The following RIMS1 variants were observed in gnomAD, a reference collection of about 807,000 sequenced individuals.
The protein encoded by RIMS1 is regulating synaptic membrane exocytosis protein 1.
RIMS1 carries 83 observed loss-of-function variants against 214.1 expected under a neutral mutation model. The observed-to-expected ratio is 0.39, with a 90% CI of 0.32 to 0.47. The LOEUF (loss-of-function observed/expected upper bound fraction) is 0.47, where lower values mean the gene tolerates loss of function less well. Among genes scored for constraint, RIMS1 ranks in the 20% least tolerant of loss-of-function variants. RIMS1 has a pLI of 0.99. For missense variants in RIMS1, 2,050 were observed against 2,161.8 expected (o/e 0.95, Z 1.03); for synonymous variants, 793 against 786.8 (o/e 1.01, Z -0.13).
intron 2 of RIMS1, among the ~76,000 whole-genome samples, chr6:72,039,758 T>C (rs185396085): frequency 6.6e-6 from 1 of 152,200 alleles, no homozygotes; most frequent in Non-Finnish European, 1.5e-5. Flanking sequence ...GGGTTACTAT[T>C]ATTTTTAATA....
chr6:72,326,000 G>T (rs2096445510), intron 28 of RIMS1, among the ~76,000 whole-genome samples: 2 of 151,788 alleles, frequency 1.3e-5, no homozygotes, highest in African/African-American at 4.8e-5. Context: ...ACTGTTTGTG[G>T]TTAGTAACTT....
At chr6:72,359,170 GACTT>G (rs1199216241) in intron 29 of RIMS1, among the ~76,000 whole-genome samples, 1 of 152,146 alleles carries the variant, frequency 6.6e-6, no homozygotes, top group Non-Finnish European at 1.5e-5. Context: ...ATTAACTAGG[GACTT>G]ACAAACAGAA....
rs777214787 is a variant in RIMS1 at position 72,024,900 on chromosome 6, G to GTTTTTTTTTTTTTTTTTT, written c.245+55843_245+55860dup. On this transcript the variant is annotated intron_variant, in intron 2 of 33. Transcript: ENST00000521978. ...AACTCAGGATTCTTAAAATCTGTGG[G>GTTTTTTTTTTTTTTTTTT]TTTTTTTTTTTTTTTTTTTTTTTGA... Among the ~76,000 whole-genome samples, 92 of 98,666 alleles carry GTTTTTTTTTTTTTTTTTT rather than the reference G, an allele frequency of 9.3e-4. 4 individuals are homozygous for GTTTTTTTTTTTTTTTTTT. Among genetic ancestry groups the GTTTTTTTTTTTTTTTTTT allele is most frequent in the African/African-American group, 3.4e-3 (90 of 26,622 alleles). 64.7% of individuals were successfully genotyped at this position (98,666 alleles called of 152,430 possible). A position where few individuals can be genotyped will look rare whatever the true frequency, so the allele number is the denominator to read the frequency against.
intron 1 of RIMS1, among the ~76,000 whole-genome samples, chr6:71,921,531 C>G (rs1298504106): frequency 6.6e-6 from 1 of 152,218 alleles, no homozygotes; most frequent in African/African-American, 2.4e-5. Context: ...GATTCACAAA[C>G]ACAGACTTGA....
chr6:72,116,620 C>G lies in RIMS1; in HGVS notation c.471+16634C>G, dbSNP rs530721865. ...CTGTAAAGGATGAGAGAGTAAATAT[C>G]TTAGGCTTTGTGAGCTTTACAGTCT... is the stretch of plus-strand genomic sequence containing the variant. On this transcript the variant is annotated intron_variant, in intron 4 of 33. Transcript: ENST00000521978. 1.2e-4 allele frequency among the ~76,000 whole-genome samples: 18 copies of G among 152,010 alleles called. No individual in the cohort carries two copies. In the South Asian group the frequency reaches 1.5e-3, roughly 12 times the overall value.
chr6:71,987,908 A>G (rs1361522755), intron 2 of RIMS1, among the ~76,000 whole-genome samples: 1 of 152,122 alleles, frequency 6.6e-6, no homozygotes, highest in African/African-American at 2.4e-5. Flanking sequence ...TAATAGGAGC[A>G]ATTTTGAGTT....
In RIMS1 at chr6:72,213,271, C is replaced by G. The variant is rs1460476043; in HGVS notation, c.1679-20502C>G. 12 of 1,466,192 alleles carry G rather than the reference C, an allele frequency of 8.2e-6. No individual in the cohort carries two copies. In the East Asian group the frequency reaches 2.7e-4, roughly 33 times the overall value. The allele number at this position is 1,466,192 out of a possible 1,614,324, so 90.8% of individuals were successfully genotyped here. ...CCACTTCATTTTGTCCCAGTTGTACCTAAATCTATATTTAACACTCCCTCT... is the reference window on the plus strand; with the variant it reads ...CCACTTCATTTTGTCCCAGTTGTACGTAAATCTATATTTAACACTCCCTCT... On this transcript the variant is annotated intron_variant, in intron 6 of 33. Transcript: ENST00000521978.
At chr6:72,030,128 G>A (rs764280015) in intron 2 of RIMS1, among the ~76,000 whole-genome samples, 11 of 152,300 alleles carry the variant, frequency 7.2e-5, no homozygotes, top group Non-Finnish European at 1.2e-4. Context: ...ATGGACCAGT[G>A]CTTTTCAATC....
At chr6:72,370,271 A>G (rs575203244) in intron 29 of RIMS1, among the ~76,000 whole-genome samples, 22 of 152,292 alleles carry the variant, frequency 1.4e-4, no homozygotes, top group African/African-American at 5.1e-4. Context: ...AATTTAAGTA[A>G]GATTGTTAAA....
rs1462592503 is a variant in RIMS1 at position 72,160,109 on chromosome 6, C to T, written c.472-19466C>T. Among the ~76,000 whole-genome samples the T allele has an allele frequency of 1.5e-4, 3 of 20,686 alleles. 1 individual carries two copies. In the Admixed American group the frequency reaches 1.8e-3, roughly 13 times the overall value. 13.6% of individuals were successfully genotyped at this position (20,686 alleles called of 152,430 possible). A position where few individuals can be genotyped will look rare whatever the true frequency, so the allele number is the denominator to read the frequency against. On this transcript the variant is annotated intron_variant, in intron 4 of 33. Transcript: ENST00000521978. ...TCTTCTTGAAGAGGTCCTTCACATC[C>T]CTCTTGGATTCCTAGGTATTTTATT...
intron 4 of RIMS1, among the ~76,000 whole-genome samples, chr6:72,151,600 C>A: frequency 6.6e-6 from 1 of 152,130 alleles, no homozygotes; most frequent in East Asian, 1.9e-4. Flanking sequence ...AGATGCAAAT[C>A]CTTGCCAATA....
rs778829870 is a variant in RIMS1, at chr6:72,258,188, G to A, written c.2834G>A (p.Arg945Lys). ...ACATTAACTGTGCCAGAACAGCAAA[G>A]AACAACTCATCACCGCTCACGTTCA... is the stretch of plus-strand genomic sequence containing the variant. ...STTLTVPEQQRTTHHRSRSVS... is the reference protein window; with the variant it reads ...STTLTVPEQQKTTHHRSRSVS... Residue 945 changes from arginine to lysine, a missense_variant, in exon 17 of 34, where the codon AGA (arginine) becomes AAA (lysine). Physicochemically the swap from Arg to Lys is conservative, Grantham distance 26 (BLOSUM62 2). Around this residue, in one of 6 missense-constraint regions of RIMS1, gnomAD observed 889 missense variants for 885.5 expected, o/e 1.00. Coordinates refer to ENST00000521978, the MANE Select transcript of RIMS1 (RefSeq NM_014989.7). 12 of 1,613,228 alleles carry A rather than the reference G, an allele frequency of 7.4e-6. No homozygotes were observed. The highest frequency in any genetic ancestry group is 5.0e-5 in the Admixed American group (3 of 59,898).
At chr6:72,200,891 G>A (rs2051860590) in intron 6 of RIMS1, among the ~76,000 whole-genome samples, 2 of 151,516 alleles carry the variant, frequency 1.3e-5, no homozygotes, top group South Asian at 4.2e-4. Context: ...GTGTGTGTGT[G>A]TGTGTGTGGT....
At chr6:72,259,770 T>C (rs1235625842) in intron 18 of RIMS1, among the ~76,000 whole-genome samples, 1 of 152,176 alleles carries the variant, frequency 6.6e-6, no homozygotes, top group Non-Finnish European at 1.5e-5. Context: ...AGTAACCATA[T>C]ACCTGTACAA....
chr6:72,126,021 T>C (rs2039438373), intron 4 of RIMS1, among the ~76,000 whole-genome samples: 1 of 152,216 alleles, frequency 6.6e-6, no homozygotes, highest in Admixed American at 6.5e-5. Flanking sequence ...CCCAGTGAGA[T>C]GAACCAGGTA....
chr6:72,199,021 G>A (rs1235057643), intron 6 of RIMS1, among the ~76,000 whole-genome samples: 2 of 152,014 alleles, frequency 1.3e-5, no homozygotes, highest in East Asian at 3.9e-4. Context: ...TCAATGCAAG[G>A]AAGTCCCTGA....
At chr6:72,391,646 G>A (rs1265081791) in intron 30 of RIMS1, among the ~76,000 whole-genome samples, 1 of 152,082 alleles carries the variant, frequency 6.6e-6, no homozygotes, top group Admixed American at 6.5e-5. Flanking sequence ...CCAAGTTACT[G>A]TTTGTGATAT....
chr6:72,130,606 A>C (rs1451990471), intron 4 of RIMS1, among the ~76,000 whole-genome samples: 1 of 152,128 alleles, frequency 6.6e-6, no homozygotes, highest in Non-Finnish European at 1.5e-5. Flanking sequence ...GTGTTATTGG[A>C]AATTTTTAGT....
chr6:72,205,191 A>G (rs1023065643), intron 6 of RIMS1, among the ~76,000 whole-genome samples: 1 of 152,150 alleles, frequency 6.6e-6, no homozygotes, highest in Non-Finnish European at 1.5e-5. Flanking sequence ...TTTAGTGTGT[A>G]TTCTAATGAC....
Sources: allele counts gnomAD v4.1 joint callset (sites outside exome capture counted in the v4.1 genomes callset), GRCh38; gene constraint gnomAD v4.1.1; regional missense constraint gnomAD v4.1.1; transcripts MANE v1.5; gene names NCBI Gene and HGNC (gene_info 2026-07-23, HGNC 2026-07-21).